TMPRSS11A: variants seen among roughly 807,000 people sequenced by gnomAD.
The protein encoded by TMPRSS11A is transmembrane protease serine 11A.
TMPRSS11A carries 53 observed loss-of-function variants against 58.9 expected under a neutral mutation model. The observed-to-expected ratio is 0.90, with a 90% confidence interval of 0.72 to 1.13. The LOEUF (loss-of-function observed/expected upper bound fraction) is 1.13, where lower values mean the gene tolerates loss of function less well. Among genes scored for constraint, TMPRSS11A ranks in the 50% most tolerant of loss-of-function variants. The pLI is 0.00. For synonymous variants in TMPRSS11A, 167 were observed against 169.8 expected, an observed-to-expected ratio of 0.98 and a Z score of 0.13; for missense variants, 493 against 499.3, an observed-to-expected ratio of 0.99 and a Z score of 0.12.
chr4:67,916,586 G>A (rs1286845567), intron 8 of TMPRSS11A, among the ~76,000 whole-genome samples: 2 of 152,042 alleles, frequency 1.3e-5, no homozygotes, highest in African/African-American at 4.8e-5. Flanking sequence ...CAGCACTTTG[G>A]GAGGCCGAGG....
Position 67,928,246 on chromosome 4 carries a change from A to G in TMPRSS11A, c.481+1634T>C, listed in dbSNP as rs139835092. On this transcript the variant is annotated intron_variant, in intron 5 of 9. Coordinates refer to ENST00000508048, the MANE Select transcript of TMPRSS11A (RefSeq NM_001114387.2). The stretch of plus-strand genomic sequence containing the variant: ...TTTTTAGAAGAGACGGGGTTTCACC[A>G]TATTGGCCAGGCTGGTCTTGAACTC... Among the ~76,000 whole-genome samples, 116 of 152,232 alleles carry G rather than the reference A, an allele frequency of 7.6e-4. 1 individual carries two copies. The East Asian group carries it at 0.021, about 28-fold the overall frequency.
At chr4:67,954,338 A>G (rs532000242) in intron 1 of TMPRSS11A, among the ~76,000 whole-genome samples, 1 of 152,316 alleles carries the variant, frequency 6.6e-6, no homozygotes, top group African/African-American at 2.4e-5. Context: ...CCACTTCAGG[A>G]CAAGCCCACA....
intron 4 of TMPRSS11A, among the ~76,000 whole-genome samples, chr4:67,930,754 TAA>T: frequency 9.6e-6 from 1 of 103,676 alleles, no homozygotes; most frequent in African/African-American, 3.8e-5. Context: ...GGTTTTTGTT[TAA>T]AAAAAAAAAC....
At chr4:67,926,855 T>A (rs559464146) in intron 5 of TMPRSS11A, among the ~76,000 whole-genome samples, 2 of 152,232 alleles carry the variant, frequency 1.3e-5, no homozygotes, top group African/African-American at 4.8e-5. Flanking sequence ...GAGAGGTGAC[T>A]GGGAGACCAT....
intron 3 of TMPRSS11A, among the ~76,000 whole-genome samples, chr4:67,934,342 C>A (rs181335131): frequency 1.4e-4 from 21 of 152,256 alleles, no homozygotes; most frequent in African/African-American, 5.1e-4. Flanking sequence ...TATAAACTAG[C>A]TTTCTAAAGA....
At chr4:67,947,015 A>C (rs1053023360) in intron 1 of TMPRSS11A, among the ~76,000 whole-genome samples, 5 of 152,174 alleles carry the variant, frequency 3.3e-5, no homozygotes, top group Non-Finnish European at 5.9e-5. Flanking sequence ...GACATAAAAA[A>C]TTACTAAGAA....
At chr4:67,912,445 G>T (rs935680066) in intron 9 of TMPRSS11A, among the ~76,000 whole-genome samples, 1 of 152,220 alleles carries the variant, frequency 6.6e-6, no homozygotes, top group Admixed American at 6.5e-5. Context: ...ACAGTTTCAG[G>T]TCTTACGTCT....
At chr4:67,941,610 A>G (rs1414040504) in intron 3 of TMPRSS11A, among the ~76,000 whole-genome samples, 1 of 152,198 alleles carries the variant, frequency 6.6e-6, no homozygotes. Flanking sequence ...AAATGCATGC[A>G]ATGAACTCAA....
At chr4:67,918,386 T>C (rs1187429949) in intron 8 of TMPRSS11A, among the ~76,000 whole-genome samples, 1 of 152,234 alleles carries the variant, frequency 6.6e-6, no homozygotes, top group African/African-American at 2.4e-5. Context: ...ATCTCTACAC[T>C]ATTCTTATTC....
At chr4:67,961,166 A>G (rs1384637327) in intron 1 of TMPRSS11A, among the ~76,000 whole-genome samples, 1 of 152,236 alleles carries the variant, frequency 6.6e-6, no homozygotes, top group Non-Finnish European at 1.5e-5. Flanking sequence ...GAGCAAGGAT[A>G]CAAATCGAAT....
intron 3 of TMPRSS11A, among the ~76,000 whole-genome samples, chr4:67,942,166 A>C (rs1459253960): frequency 1.3e-5 from 2 of 152,228 alleles, no homozygotes; most frequent in Admixed American, 1.3e-4. Context: ...TTAAATCACA[A>C]ATAAAATACT....
chr4:67,944,086 T>G (rs1411577478), intron 3 of TMPRSS11A, among the ~76,000 whole-genome samples: 1 of 152,160 alleles, frequency 6.6e-6, no homozygotes, highest in Non-Finnish European at 1.5e-5. Context: ...TCAATATACT[T>G]ACAAGATGAA....
At chr4:67,957,660 C>T (rs571105710) in intron 1 of TMPRSS11A, among the ~76,000 whole-genome samples, 7 of 152,122 alleles carry the variant, frequency 4.6e-5, no homozygotes, top group East Asian at 1.9e-4. Context: ...CCTGACAATG[C>T]GATAAAACAG....
chr4:67,963,336 C>G (rs766287705), intron 1 of TMPRSS11A, 47 bp downstream of exon 1: 2 of 1,608,894 alleles, frequency 1.2e-6, no homozygotes, highest in Non-Finnish European at 1.7e-6. Flanking sequence ...CGGCCACTGA[C>G]AGACAGTACA....
At chr4:67,924,510 G>T (rs965259243) in intron 5 of TMPRSS11A, among the ~76,000 whole-genome samples, 1 of 152,218 alleles carries the variant, frequency 6.6e-6, no homozygotes, top group African/African-American at 2.4e-5. Flanking sequence ...ATGGATAAAT[G>T]GGACAGAGGA....
At chr4:67,961,201 T>C (rs1157235916) in intron 1 of TMPRSS11A, among the ~76,000 whole-genome samples, 1 of 152,180 alleles carries the variant, frequency 6.6e-6, no homozygotes, top group Non-Finnish European at 1.5e-5. Flanking sequence ...TTCCATATTA[T>C]GTTTCTTGTT....
intron 9 of TMPRSS11A, among the ~76,000 whole-genome samples, chr4:67,913,424 C>A (rs1362332080): frequency 6.6e-6 from 1 of 152,192 alleles, no homozygotes; most frequent in Non-Finnish European, 1.5e-5. Flanking sequence ...AACCGCTGCC[C>A]TGATAACTTA....
intron 1 of TMPRSS11A, among the ~76,000 whole-genome samples, chr4:67,959,374 G>C (rs1324407318): frequency 6.6e-6 from 1 of 152,116 alleles, no homozygotes; most frequent in African/African-American, 2.4e-5. Flanking sequence ...TTAAACTAAA[G>C]AGTATCTGCA....
intron 1 of TMPRSS11A, among the ~76,000 whole-genome samples, chr4:67,959,655 TAA>T (rs1364547115): frequency 6.6e-6 from 1 of 152,100 alleles, no homozygotes; most frequent in African/African-American, 2.4e-5. Context: ...TGGCTACTAT[TAA>T]AGAGTCAAAA....
Sources: gnomAD v4.1 joint callset for allele counts (sites outside exome capture counted in the v4.1 genomes callset) on GRCh38, gnomAD v4.1.1 for gene constraint, MANE v1.5 for transcripts, NCBI Gene and HGNC (gene_info 2026-07-23, HGNC 2026-07-21) for gene names.